TMEM237: variants seen among roughly 807,000 people sequenced by gnomAD.
The protein encoded by TMEM237 is amyotrophic lateral sclerosis 2 (juvenile) chromosome region, candidate 4.
TMEM237 carries 51 observed loss-of-function variants against 59.1 expected under a neutral mutation model. The observed-to-expected ratio is 0.86, with a 90% CI of 0.69 to 1.09. The LOEUF (loss-of-function observed/expected upper bound fraction) is 1.09. Ranked by LOEUF, TMEM237 falls within the 50% of genes least tolerant of loss-of-function variation. TMEM237 has a pLI of 0.00. For missense variants in TMEM237, 475 were observed against 478.3 expected, an observed-to-expected ratio of 0.99 and a Z score of 0.06; for synonymous variants, 140 against 166.1, an observed-to-expected ratio of 0.84 and a Z score of 1.21.
At chr2:201,641,610 T>C (rs1227864664) in intron 1 of TMEM237, among the ~76,000 whole-genome samples, 1 of 150,974 alleles carries the variant, frequency 6.6e-6, no homozygotes, top group Non-Finnish European at 1.5e-5. Flanking sequence ...TAAAAATATA[T>C]ATATGATAAT....
intron 5 of TMEM237, among the ~76,000 whole-genome samples, chr2:201,636,012 A>C (rs1324111893): frequency 2.6e-5 from 4 of 152,234 alleles, no homozygotes; most frequent in Admixed American, 2.6e-4. Context: ...TCTTTGATTT[A>C]ATAATACACA....
Position 201,624,249 on chromosome 2 carries a change from C to T in TMEM237, c.*6G>A. ...GGGTCATTATTCCTCCAAAGGTGAGCTGGTATTATGAAGAGGCTTTGATTT... is the reference window on the plus strand; with the variant it reads ...GGGTCATTATTCCTCCAAAGGTGAGTTGGTATTATGAAGAGGCTTTGATTT... On this transcript the variant is annotated 3_prime_UTR_variant, in exon 13 of 13. Transcript: ENST00000409883. 1 of 1,609,280 alleles carries T rather than the reference C, an allele frequency of 6.2e-7. No homozygotes were observed. Among genetic ancestry groups the T allele is most frequent in the Non-Finnish European group, 8.5e-7 (1 of 1,176,760 alleles).
At chr2:201,629,590 A>C (rs1957790567) in intron 8 of TMEM237, 139 bp downstream of exon 8, 5 of 1,307,982 alleles carry the variant, frequency 3.8e-6, no homozygotes, top group Non-Finnish European at 4.1e-6. Flanking sequence ...TTCCAATAGG[A>C]TGTTTAAAAA....
intron 1 of TMEM237, chr2:201,642,693 G>C (rs752757268): frequency 3.8e-6 from 6 of 1,591,102 alleles, no homozygotes; most frequent in Admixed American, 1.8e-5. Context: ...CTCCCGGCTC[G>C]GTCGCGCGCG....
intron 1 of TMEM237, among the ~76,000 whole-genome samples, chr2:201,641,261 G>A (rs955033821): frequency 6.6e-6 from 1 of 152,124 alleles, no homozygotes; most frequent in Non-Finnish European, 1.5e-5. Context: ...GAAAGTGGTG[G>A]GATTATAGGA....
At position 201,627,327 on chromosome 2, in the gene TMEM237, C is replaced by T. The variant is rs576982977; in HGVS notation, c.1031G>A (p.Ser344Asn). ...HLYTPSSVNG[S>N]LWEAGIEEQI... is the part of the protein sequence containing the mutation. ...TGTCATTGTGAATTCTTACCAGAGG[C>T]TACCATTAACAGAAGAAGGTGTGTA... The change falls in exon 11 of 13, where the codon AGC (serine) becomes AAC (asparagine). Residue 344 changes from serine (S) to asparagine (N), a missense_variant. Coordinates refer to ENST00000409883, the MANE Select transcript of TMEM237 (RefSeq NM_001044385.3). The T allele has an allele frequency of 2.5e-6, 4 of 1,603,840 alleles. No homozygotes were observed. The highest frequency in any genetic ancestry group is 3.4e-5 in the Admixed American group (2 of 59,144).
At chr2:201,638,524 C>T (rs4675206) in intron 4 of TMEM237, 61,651 of 153,084 alleles carry the variant, frequency 0.4, 12,849 homozygotes, top group Non-Finnish European at 0.45. Flanking sequence ...AAGACAAAAA[C>T]GAGTTCTGCT....
At position 201,622,553 on chromosome 2, in the gene TMEM237, T is replaced by C. The variant is rs988814985; in HGVS notation, c.*1702A>G. ...CAAGGTCATCACTCTCCTTGGCTCA[T>C]GGCCCCCTCTTCCATCTTCAAAGCC... On this transcript the variant is annotated 3_prime_UTR_variant, in exon 13 of 13. Coordinates refer to ENST00000409883, the MANE Select transcript of TMEM237 (RefSeq NM_001044385.3). 1 of 152,498 alleles carries C rather than the reference T, an allele frequency of 6.6e-6. No homozygotes were observed. The highest frequency in any genetic ancestry group is 2.4e-5 in the African/African-American group (1 of 41,482). The allele number at this position is 152,498 out of a possible 1,614,324, so 9.4% of individuals were successfully genotyped here. A position where few individuals can be genotyped will look rare whatever the true frequency, so the allele number is the denominator to read the frequency against.
rs1957788543 is a variant in TMEM237 at position 201,629,388 on chromosome 2, A to G, written c.711T>C (p.Ala237=). 1 of 1,586,866 alleles carries G rather than the reference A, an allele frequency of 6.3e-7. No individual in the cohort carries two copies. Among genetic ancestry groups the G allele is most frequent in the Non-Finnish European group, 8.5e-7 (1 of 1,172,214 alleles). ...CAACAATATTCCACACAGCACAGCC[A>G]GCCAAGAATCCATGAGAAAAGAGAC... ...MIGLFSHGFL[A]GCAVWNIVVI... is the part of the protein sequence containing the mutation. Residue 237 remains alanine, a synonymous_variant, in exon 9 of 13, where the codon GCT becomes GCC. Transcript: ENST00000409883.
rs7602598 is a variant in TMEM237, at chr2:201,635,472, G to A, written c.274+1276C>T. Reference sequence around the variant, plus strand: ...GACTGTCAACAACCATAAGAAGCTAGAAGAAATGGCCAGGCGCGGTGGCTC... The same window carrying A: ...GACTGTCAACAACCATAAGAAGCTAAAAGAAATGGCCAGGCGCGGTGGCTC... On this transcript the variant is annotated intron_variant, in intron 5 of 12. Transcript: ENST00000409883. The surrounding 1 kb of genome is among the most constrained non-coding windows in gnomAD (Gnocchi z 4.5). Among the ~76,000 whole-genome samples the A allele has an allele frequency of 0.45, 68,218 of 152,102 alleles. 15,799 individuals are homozygous for A. Among genetic ancestry groups the A allele is most frequent in the South Asian group, 0.56 (2,690 of 4,822 alleles).
intron 4 of TMEM237, 96 bp downstream of exon 4, chr2:201,638,893 C>T: frequency 8.4e-7 from 1 of 1,186,258 alleles, no homozygotes; most frequent in Non-Finnish European, 1.2e-6. Flanking sequence ...AGATTCGGGG[C>T]TGCTGGGGCC....
chr2:201,628,510 T>C lies in TMEM237; in HGVS notation c.870-361A>G, dbSNP rs76962531. On this transcript the variant is annotated intron_variant, in intron 9 of 12. Coordinates refer to ENST00000409883, the MANE Select transcript of TMEM237 (RefSeq NM_001044385.3). ...GCTAAATTGTGTTCCCAAAAAGATA[T>C]GTTGAACTCCTAACCTGGAGTACTT... is the stretch of plus-strand genomic sequence containing the variant. Among the ~76,000 whole-genome samples the C allele has an allele frequency of 1.6e-3, 245 of 152,298 alleles. 2 individuals are homozygous for C. The highest frequency in any genetic ancestry group is 5.7e-3 in the African/African-American group (238 of 41,564).
intron 7 of TMEM237, 53 bp from the exon 8 acceptor site, chr2:201,629,905 C>A: frequency 6.3e-7 from 1 of 1,575,312 alleles, no homozygotes; most frequent in South Asian, 1.2e-5. Flanking sequence ...ACCCTGGTAG[C>A]CATTTTTTTT....
rs755784129 is a variant in TMEM237, at chr2:201,629,193, T to C, written c.869+37A>G. ...ACACATTTTGCTCAGCATTTCCTCC[T>C]GAAGAAGTTAGACAGATCTGGAGTC... On this transcript the variant is annotated intron_variant, in intron 9 of 12. Transcript: ENST00000409883. 6.0e-5 allele frequency: 85 copies of C among 1,426,632 alleles called. 1 individual carries two copies. In the South Asian group the frequency reaches 1.3e-3, roughly 22 times the overall value. 88.4% of individuals were successfully genotyped at this position (1,426,632 alleles called of 1,614,324 possible). A position where few individuals can be genotyped will look rare whatever the true frequency, so the allele number is the denominator to read the frequency against.
At chr2:201,642,565 A>G (rs1228285115) in intron 1 of TMEM237, 2 of 1,597,226 alleles carry the variant, frequency 1.3e-6, no homozygotes, top group Non-Finnish European at 1.7e-6. Context: ...GGCTCAACTG[A>G]AGACAAAAAT....
chr2:201,641,018 G>C (rs1350563559), intron 1 of TMEM237, 94 bp from the exon 2 acceptor site: 4 of 1,062,060 alleles, frequency 3.8e-6, no homozygotes, highest in Non-Finnish European at 5.5e-6. Flanking sequence ...TTGAGATGGT[G>C]TATTGCTGTG....
chr2:201,632,595 AG>A (rs1330138833), intron 6 of TMEM237, among the ~76,000 whole-genome samples: 1 of 152,192 alleles, frequency 6.6e-6, no homozygotes, highest in Non-Finnish European at 1.5e-5. Context: ...TCGTTTTGTA[AG>A]GGGCTTCCCC....
Position 201,629,349 on chromosome 2 carries a change from T to C in TMEM237, c.750A>G (p.Leu250=). 1 of 1,610,576 alleles carries C rather than the reference T, an allele frequency of 6.2e-7. No homozygotes were observed. Among genetic ancestry groups the C allele is most frequent in the Non-Finnish European group, 8.5e-7 (1 of 1,178,800 alleles). Residue 250 remains leucine, a synonymous_variant, in exon 9 of 13, where the codon CTA becomes CTG. Transcript: ENST00000409883. ...AVWNIVVIYV[L]AGDQLSNLSN... Reference sequence around the variant, plus strand: ...AGAGGTTGGATAGCTGATCTCCTGCTAGAACATATATCACAACAATATTCC... The same window carrying C: ...AGAGGTTGGATAGCTGATCTCCTGCCAGAACATATATCACAACAATATTCC...
In TMEM237 at chr2:201,636,661, G is replaced by A. The variant is rs1408645429; in HGVS notation, c.274+87C>T. The A allele has an allele frequency of 5.5e-6, 8 of 1,454,548 alleles. No individual in the cohort carries two copies. In the East Asian group the frequency reaches 7.4e-5, roughly 13 times the overall value. The allele number at this position is 1,454,548 out of a possible 1,614,324, so 90.1% of individuals were successfully genotyped here. On this transcript the variant is annotated intron_variant, in intron 5 of 12. Coordinates refer to ENST00000409883, the MANE Select transcript of TMEM237 (RefSeq NM_001044385.3). ...GAAACCACCTGTGGGATATGGATAG[G>A]GGGAAAGAAATGAAAGCAGAGAGGT...
Sources: gnomAD v4.1 joint callset for allele counts (sites outside exome capture counted in the v4.1 genomes callset) on GRCh38, gnomAD v4.1.1 for gene constraint, Gnocchi (gnomAD v3.1) non-coding constraint, MANE v1.5 for transcripts, NCBI Gene and HGNC (gene_info 2026-07-23, HGNC 2026-07-21) for gene names.